Variants in RFC5 observed in about 807,000 individuals in gnomAD.
RFC5 encodes replication factor C subunit 5, also known as A1 36 kDa subunit.
Under a neutral mutation model 44.3 loss-of-function variants are expected in RFC5, and 26 were observed. That is an observed-to-expected ratio of 0.59 (90% CI 0.43 to 0.81). The LOEUF (loss-of-function observed/expected upper bound fraction) is 0.81, where lower values mean the gene tolerates loss of function less well. Ranked by LOEUF, RFC5 falls within the 40% of genes least tolerant of loss-of-function variation. The probability of loss-of-function intolerance (pLI) is 0.00; values close to 1 mark genes in which losing one functional copy is unlikely to be tolerated. For synonymous variants in RFC5, 155 were observed against 155.2 expected (o/e 1.00, Z 0.01); for missense variants, 328 against 418.6 (o/e 0.78, Z 1.89).
chr12:118,021,668 G>T (rs1397897595), intron 4 of RFC5, among the ~76,000 whole-genome samples: 1 of 151,776 alleles, frequency 6.6e-6, no homozygotes, highest in Non-Finnish European at 1.5e-5. Context: ...GAAAGAAAAA[G>T]GGTGAGGGCC....
At chr12:118,036,360 C>T, downstream of RFC5, 3 of 1,614,018 alleles carry the variant, frequency 1.9e-6, no homozygotes, top group East Asian at 2.2e-5. Context: ...AGCCTTTCGC[C>T]GGTGTAGGGG....
rs970037369 is a variant in RFC5, at chr12:118,019,607, G to A, written c.131-25G>A. The A allele has an allele frequency of 1.2e-6, 2 of 1,613,782 alleles. No individual in the cohort carries two copies. The highest frequency in any genetic ancestry group is 1.7e-6 in the Non-Finnish European group (2 of 1,179,778). On this transcript the variant is annotated intron_variant, in intron 2 of 10. Transcript: ENST00000454402. This position sits in a 1 kb window ranked among gnomAD's most constrained non-coding sequence, Gnocchi z 4.2. ...GAGGCAGCTCCCAAAGACTGATGGT[G>A]CCCTTCTTCCTTCCTGATCCTCAGT...
Position 118,031,334 on chromosome 12 carries a change from G to A in RFC5, c.*56G>A. 8.3e-7 allele frequency: 1 copy of A among 1,208,472 alleles called. No individual in the cohort carries two copies. The highest frequency in any genetic ancestry group is 1.8e-5 in the Admixed American group (1 of 55,460). The allele number at this position is 1,208,472 out of a possible 1,614,324, so 74.9% of individuals were successfully genotyped here. ...GCTCAGCAGTGATGGGAGAACAGAG[G>A]ACAGTTCCAGGATAAACTGCTGCCT... On this transcript the variant is annotated 3_prime_UTR_variant, in exon 11 of 11. Transcript: ENST00000454402.
At chr12:118,021,640 TAAA>T (rs563284021) in intron 4 of RFC5, among the ~76,000 whole-genome samples, 1 of 133,550 alleles carries the variant, frequency 7.5e-6, no homozygotes. Flanking sequence ...GGATGGTGGC[TAAA>T]AAAAAAAAAA....
chr12:118,037,419 C>A (rs145960461), downstream of RFC5, among the ~76,000 whole-genome samples: 808 of 152,288 alleles, frequency 5.3e-3, 6 homozygotes, highest in African/African-American at 0.016. Flanking sequence ...GCAATCCCAG[C>A]ACTTTGGGAG....
In RFC5 at chr12:118,022,282, C is replaced by A; in HGVS notation, c.348-4C>A. 1 of 1,612,252 alleles carries A rather than the reference C, an allele frequency of 6.2e-7. No homozygotes were observed. Among genetic ancestry groups the A allele is most frequent in the Non-Finnish European group, 8.5e-7 (1 of 1,178,406 alleles). Reference sequence around the variant, plus strand: ...TCTTTAGACAGCACCATTTGTTTTTCTAGGAAAGGCTTTAAGCTAGTGATC... The same window carrying A: ...TCTTTAGACAGCACCATTTGTTTTTATAGGAAAGGCTTTAAGCTAGTGATC... On this transcript the variant is annotated splice_region_variant and splice_polypyrimidine_tract_variant and intron_variant, in intron 4 of 10. Transcript: ENST00000454402.
chr12:118,020,850 C>A, intron 3 of RFC5, 56 bp from the exon 4 acceptor site: 1 of 1,157,660 alleles, frequency 8.6e-7, no homozygotes. Context: ...ACACCAAGAA[C>A]TCACAGATAG....
rs375853197 is a variant in RFC5, at chr12:118,026,987, G to A, written c.762G>A (p.Met254Ile). The change falls in exon 8 of 11, where the codon ATG (methionine) becomes ATA (isoleucine). Residue 254 changes from methionine (M) to isoleucine (I), a missense_variant. Coordinates refer to ENST00000454402, the MANE Select transcript of RFC5 (RefSeq NM_007370.7). ...KSDIANILDW[M>I]LNQDFTTAYR... The stretch of plus-strand genomic sequence containing the variant: ...ACATTGCCAACATCCTGGACTGGAT[G>A]TTGAATCAAGATTTCACCACAGCCT... The A allele has an allele frequency of 1.6e-5, 26 of 1,613,682 alleles. No individual in the cohort carries two copies. The highest frequency in any genetic ancestry group is 1.9e-5 in the Non-Finnish European group (23 of 1,180,022).
At chr12:118,022,476 T>C (rs2030581060) in intron 5 of RFC5, 117 bp downstream of exon 5, 6 of 701,838 alleles carry the variant, frequency 8.5e-6, no homozygotes, top group African/African-American at 1.8e-5. Context: ...TTTTTTTTTC[T>C]TTTTTTGAGT....
At chr12:118,028,597 G>T (rs2031114999) in intron 9 of RFC5, among the ~76,000 whole-genome samples, 1 of 150,780 alleles carries the variant, frequency 6.6e-6, no homozygotes, top group African/African-American at 2.4e-5. Context: ...TCCTCTAGGG[G>T]TTTATATTTT....
chr12:118,038,375 T>C, the RFC5 span: 1 of 1,614,064 alleles, frequency 6.2e-7, no homozygotes, highest in Non-Finnish European at 8.5e-7. Context: ...CCGATAACAC[T>C]TGAATCTGTT....
chr12:118,031,143 TG>T (rs779013383), intron 10 of RFC5, 38 bp from the exon 11 acceptor site: 1 of 1,418,566 alleles, frequency 7.0e-7, no homozygotes, highest in Admixed American at 1.7e-5. Flanking sequence ...CAGCTGTGTT[TG>T]GTGTCTTTTT....
intron 5 of RFC5, among the ~76,000 whole-genome samples, chr12:118,022,820 T>C (rs1263310064): frequency 6.6e-6 from 1 of 152,120 alleles, no homozygotes; most frequent in East Asian, 1.9e-4. Flanking sequence ...TTGGCTTGTT[T>C]TCAGTTTTCA....
At chr12:118,035,534 A>AAC (rs2031492095), downstream of RFC5, among the ~76,000 whole-genome samples, 2 of 152,220 alleles carry the variant, frequency 1.3e-5, no homozygotes, top group African/African-American at 4.8e-5. Flanking sequence ...AAGGGTTACT[A>AAC]ACACTTCCTT....
downstream of RFC5, chr12:118,034,827 G>T: frequency 1.5e-6 from 1 of 668,422 alleles, no homozygotes; most frequent in Non-Finnish European, 2.5e-6. Context: ...ATGGGACACC[G>T]TTATTAGCAA....
intron 9 of RFC5, 114 bp from the exon 10 acceptor site, chr12:118,029,657 G>A (rs1055066429): frequency 3.5e-5 from 28 of 788,938 alleles, no homozygotes; most frequent in Non-Finnish European, 5.6e-5. Flanking sequence ...TGAGCAGGCT[G>A]AGGCCTCAGG....
chr12:118,017,710 G>A (rs773792180), intron 1 of RFC5: 71 of 748,350 alleles, frequency 9.5e-5, no homozygotes, highest in Non-Finnish European at 1.4e-4. Flanking sequence ...TCGCTCTGTC[G>A]CCCATGCTGG....
At chr12:118,033,576 T>C (rs1291825274), downstream of RFC5, 5 of 147,524 alleles carry the variant, frequency 3.4e-5, no homozygotes, top group Non-Finnish European at 7.4e-5. Context: ...CCAGTAATAG[T>C]GTCTGGATCG....
downstream of RFC5, chr12:118,035,564 A>T (rs565268507): frequency 6.2e-6 from 3 of 484,086 alleles, no homozygotes; most frequent in Non-Finnish European, 1.1e-5. Context: ...TGCTTATGCA[A>T]AGTAGGTCAG....
Sources: allele counts gnomAD v4.1 joint callset (sites outside exome capture counted in the v4.1 genomes callset), GRCh38; gene constraint gnomAD v4.1.1; non-coding constraint Gnocchi (gnomAD v3.1); transcripts MANE v1.5; gene names NCBI Gene and HGNC (gene_info 2026-07-23, HGNC 2026-07-21).